The following EMP1 variants were observed in gnomAD, a reference collection of about 807,000 sequenced individuals.
The protein encoded by EMP1 is tumor-associated membrane protein.
EMP1 carries 5 observed loss-of-function variants against 15.7 expected under a neutral mutation model. The ratio of observed to expected loss-of-function variants is 0.32; its 90% confidence interval spans 0.17 to 0.67. EMP1 has a LOEUF of 0.67. Among genes scored for constraint, EMP1 ranks in the 30% least tolerant of loss-of-function variants. EMP1 has a pLI of 0.74. For missense variants in EMP1, 166 were observed against 194.2 expected, an observed-to-expected ratio of 0.85 and a Z score of 0.86; for synonymous variants, 78 against 76.7, an observed-to-expected ratio of 1.02 and a Z score of -0.09.
At chr12:13,203,067 G>C (rs1379389346) in intron 1 of EMP1, among the ~76,000 whole-genome samples, 1 of 152,188 alleles carries the variant, frequency 6.6e-6, no homozygotes, top group Non-Finnish European at 1.5e-5. Flanking sequence ...GAGCCCACCT[G>C]ATGGGTCTGG....
At chr12:13,197,264 C>T (rs533555113) in intron 1 of EMP1, among the ~76,000 whole-genome samples, 25 of 152,280 alleles carry the variant, frequency 1.6e-4, no homozygotes, top group African/African-American at 5.5e-4. Flanking sequence ...ATGTTTTTCA[C>T]CTCCTCCGTT....
rs867234102 is a variant in EMP1 at position 13,218,006 on chromosome 12, C to G, written c.*3315C>G. ...TTGAATTAAATGTCTTAGGTAGAGA[C>G]AAATTGAATTAAAGTGGTTAAGTAA... On this transcript the variant is annotated 3_prime_UTR_variant, in exon 5 of 5. Coordinates refer to ENST00000256951, the MANE Select transcript of EMP1 (RefSeq NM_001423.3). The G allele has an allele frequency of 6.6e-6, 1 of 151,986 alleles. No homozygotes were observed. The highest frequency in any genetic ancestry group is 2.4e-5 in the African/African-American group (1 of 41,350). The allele number at this position is 151,986 out of a possible 1,614,324, so 9.4% of individuals were successfully genotyped here. A position where few individuals can be genotyped will look rare whatever the true frequency, so the allele number is the denominator to read the frequency against.
chr12:13,199,394 C>CCAGACTGAAATG (rs1864043837), intron 1 of EMP1: 1 of 152,282 alleles, frequency 6.6e-6, no homozygotes, highest in Non-Finnish European at 1.5e-5. Flanking sequence ...TCAGGTAGTG[C>CCAGACTGAAATG]CAGACCCACA....
In EMP1 at chr12:13,216,333, A is replaced by G; in HGVS notation, c.*1642A>G. 1.4e-6 allele frequency: 1 copy of G among 699,196 alleles called. No homozygotes were observed. The highest frequency in any genetic ancestry group is 2.6e-6 in the Non-Finnish European group (1 of 383,752). 43.3% of individuals were successfully genotyped at this position (699,196 alleles called of 1,614,324 possible). On this transcript the variant is annotated 3_prime_UTR_variant, in exon 5 of 5. Coordinates refer to ENST00000256951, the MANE Select transcript of EMP1 (RefSeq NM_001423.3). ...TTTTTGGTATTTATGTAAAAGGATT[A>G]TTACTAATTCTATTTCTCTATGTTT...
At chr12:13,204,101 T>C (rs993260357) in intron 1 of EMP1, among the ~76,000 whole-genome samples, 1 of 152,222 alleles carries the variant, frequency 6.6e-6, no homozygotes, top group Non-Finnish European at 1.5e-5. Flanking sequence ...TGATTGACGA[T>C]GTTTCTCCTG....
intron 1 of EMP1, among the ~76,000 whole-genome samples, chr12:13,201,945 A>G (rs555562960): frequency 6.9e-6 from 1 of 143,900 alleles, no homozygotes; most frequent in East Asian, 2.4e-4. Context: ...ACAGGAGCAA[A>G]TGAGGAACAG....
chr12:13,203,843 G>A (rs1288028719), intron 1 of EMP1, among the ~76,000 whole-genome samples: 1 of 152,162 alleles, frequency 6.6e-6, no homozygotes, highest in Non-Finnish European at 1.5e-5. Context: ...GTTGGTCAGG[G>A]GCAGATTTAT....
chr12:13,211,110 C>A lies in EMP1; in HGVS notation c.-42-359C>A, dbSNP rs901572534. Among the ~76,000 whole-genome samples the A allele has an allele frequency of 6.6e-6, 1 of 152,178 alleles. No homozygotes were observed. The highest frequency in any genetic ancestry group is 1.5e-5 in the Non-Finnish European group (1 of 68,024). ...ACCTGGAAATTATAAAGGCCTACTTCTTTGAAAATCAAAGTCCTATTTTTA... is the reference window on the plus strand; with the variant it reads ...ACCTGGAAATTATAAAGGCCTACTTATTTGAAAATCAAAGTCCTATTTTTA... On this transcript the variant is annotated intron_variant, in intron 1 of 4. Coordinates refer to ENST00000256951, the MANE Select transcript of EMP1 (RefSeq NM_001423.3). This position sits in a 1 kb window ranked among gnomAD's most constrained non-coding sequence, Gnocchi z 4.7.
chr12:13,197,348 G>C (rs1459070618), intron 1 of EMP1, among the ~76,000 whole-genome samples: 1 of 152,200 alleles, frequency 6.6e-6, no homozygotes, highest in African/African-American at 2.4e-5. Flanking sequence ...TTGGGTGGTG[G>C]TGGATAGATA....
chr12:13,201,923 G>A (rs1262212521), intron 1 of EMP1, among the ~76,000 whole-genome samples: 1 of 149,512 alleles, frequency 6.7e-6, no homozygotes, highest in Non-Finnish European at 1.5e-5. Flanking sequence ...AAGGTGTGGT[G>A]TACAGGTGTG....
chr12:13,212,776 C>A (rs1864177458), intron 2 of EMP1, among the ~76,000 whole-genome samples: 1 of 152,218 alleles, frequency 6.6e-6, no homozygotes, highest in South Asian at 2.1e-4. Context: ...CAGGACACTG[C>A]ACTTGTTTTC....
chr12:13,209,221 GCAAT>G (rs1864141782), intron 1 of EMP1: 1 of 152,240 alleles, frequency 6.6e-6, no homozygotes, highest in Admixed American at 6.5e-5. Flanking sequence ...GTAATTCCCT[GCAAT>G]CAGCCTGTTC....
intron 1 of EMP1, among the ~76,000 whole-genome samples, chr12:13,208,790 A>C (rs1864136749): frequency 6.6e-6 from 1 of 152,144 alleles, no homozygotes; most frequent in Non-Finnish European, 1.5e-5. Context: ...CTTTTGCTTG[A>C]TTCTCACATC....
rs529583201 is a variant in EMP1, at chr12:13,211,441, G to A, written c.-42-28G>A. Reference sequence around the variant, plus strand: ...CGTCTTATTGAATCTGACAGTAACCGTTTTTGTCCCTTTCTTTTTCTTTTC... The same window carrying A: ...CGTCTTATTGAATCTGACAGTAACCATTTTTGTCCCTTTCTTTTTCTTTTC... On this transcript the variant is annotated intron_variant, in intron 1 of 4. Coordinates refer to ENST00000256951, the MANE Select transcript of EMP1 (RefSeq NM_001423.3). The surrounding 1 kb of genome is among the most constrained non-coding windows in gnomAD (Gnocchi z 4.7). The A allele has an allele frequency of 1.0e-5, 16 of 1,541,844 alleles. No individual in the cohort carries two copies. Among genetic ancestry groups the A allele is most frequent in the Admixed American group, 5.2e-5 (3 of 57,604 alleles).
intron 1 of EMP1, among the ~76,000 whole-genome samples, chr12:13,199,932 T>C (rs1406190501): frequency 6.6e-6 from 1 of 151,732 alleles, no homozygotes; most frequent in African/African-American, 2.4e-5. Context: ...TGGATCTACA[T>C]TGCATTATCT....
At chr12:13,201,313 A>G (rs1044786687) in intron 1 of EMP1, among the ~76,000 whole-genome samples, 2 of 152,152 alleles carry the variant, frequency 1.3e-5, no homozygotes, top group Non-Finnish European at 2.9e-5. Flanking sequence ...AAGCTGAGGC[A>G]GGAGGATTGA....
At chr12:13,213,612 G>A in intron 3 of EMP1, 37 bp downstream of exon 3, 1 of 1,614,054 alleles carries the variant, frequency 6.2e-7, no homozygotes, top group Non-Finnish European at 8.5e-7. Context: ...CTGACAATAG[G>A]TGTGGTCAGG....
At chr12:13,204,628 C>T (rs560023946) in intron 1 of EMP1, among the ~76,000 whole-genome samples, 4 of 152,182 alleles carry the variant, frequency 2.6e-5, no homozygotes, top group South Asian at 2.1e-4. Flanking sequence ...TCAGGTGTCA[C>T]GCTGAGGAAG....
At position 13,216,748 on chromosome 12, in the gene EMP1, T is replaced by C. The variant is rs911432499; in HGVS notation, c.*2057T>C. On this transcript the variant is annotated 3_prime_UTR_variant, in exon 5 of 5. Transcript: ENST00000256951. ...ATACAAATGTTTATAACTCTAGGGA[T>C]ATAAAAACAGATTCTGATTCCCTTC... 3.4e-6 allele frequency: 1 copy of C among 294,590 alleles called. No individual in the cohort carries two copies. The highest frequency in any genetic ancestry group is 5.9e-5 in the East Asian group (1 of 17,044). 18.2% of individuals were successfully genotyped at this position (294,590 alleles called of 1,614,324 possible).
Sources: allele counts gnomAD v4.1 joint callset (sites outside exome capture counted in the v4.1 genomes callset), GRCh38; gene constraint gnomAD v4.1.1; non-coding constraint Gnocchi (gnomAD v3.1); transcripts MANE v1.5; gene names NCBI Gene and HGNC (gene_info 2026-07-23, HGNC 2026-07-21).